PLCB4: variants seen among roughly 807,000 people sequenced by gnomAD.
PLCB4 encodes 1-phosphatidylinositol 4,5-bisphosphate phosphodiesterase beta-4.
Under a neutral mutation model 178.8 loss-of-function variants are expected in PLCB4, and 77 were observed. That is an observed-to-expected ratio of 0.43 (90% CI 0.36 to 0.52). PLCB4 has a LOEUF of 0.52. Among genes scored for constraint, PLCB4 ranks in the 20% least tolerant of loss-of-function variants. PLCB4 has a pLI of 0.00. For missense variants in PLCB4, 1,024 were observed against 1,453.4 expected, an observed-to-expected ratio of 0.70 and a Z score of 4.80; for synonymous variants, 496 against 490.8, an observed-to-expected ratio of 1.01 and a Z score of -0.14.
At chr20:9,117,558 G>C (rs2091823083) in intron 2 of PLCB4, among the ~76,000 whole-genome samples, 1 of 152,188 alleles carries the variant, frequency 6.6e-6, no homozygotes, top group Non-Finnish European at 1.5e-5. Flanking sequence ...ATAAGATTGT[G>C]TGATTCCCCT....
At chr20:9,410,649 A>G (rs1454918977) in intron 24 of PLCB4, among the ~76,000 whole-genome samples, 2 of 152,090 alleles carry the variant, frequency 1.3e-5, no homozygotes, top group East Asian at 1.9e-4. Context: ...AGTCTTTTAA[A>G]TCAAGTTTCA....
intron 2 of PLCB4, among the ~76,000 whole-genome samples, chr20:9,127,654 CTAT>C (rs2092153212): frequency 8.9e-6 from 1 of 112,728 alleles, no homozygotes; most frequent in East Asian, 2.6e-4. Context: ...ATCTATCTAT[CTAT>C]CTATCTATCT....
At chr20:9,427,598 G>A (rs3819579) in intron 28 of PLCB4, among the ~76,000 whole-genome samples, 74,900 of 152,032 alleles carry the variant, frequency 0.49, 20,636 homozygotes, top group African/African-American at 0.74. Flanking sequence ...CTTTATCTGT[G>A]GGTGCCAACG....
chr20:9,278,871 C>T (rs1030263786), intron 3 of PLCB4, among the ~76,000 whole-genome samples: 1 of 152,086 alleles, frequency 6.6e-6, no homozygotes, highest in African/African-American at 2.4e-5. Context: ...TTTCTCTTCA[C>T]TTGTTTAATA....
At chr20:9,275,781 G>T (rs556694783) in intron 3 of PLCB4, among the ~76,000 whole-genome samples, 1 of 152,016 alleles carries the variant, frequency 6.6e-6, no homozygotes, top group Admixed American at 6.6e-5. Context: ...TCCAAGTGAC[G>T]TGCCAACTCC....
intron 2 of PLCB4, among the ~76,000 whole-genome samples, chr20:9,192,815 A>C (rs1441978563): frequency 6.6e-6 from 1 of 151,992 alleles, no homozygotes; most frequent in Non-Finnish European, 1.5e-5. Flanking sequence ...AAAAAAGAAA[A>C]AAAAATGTCA....
chr20:9,294,998 C>A (rs2094617526), intron 3 of PLCB4, among the ~76,000 whole-genome samples: 1 of 152,110 alleles, frequency 6.6e-6, no homozygotes, highest in South Asian at 2.1e-4. Flanking sequence ...AAGAGGTCAA[C>A]CTAAGCCTCC....
chr20:9,152,376 C>T (rs6086795), intron 2 of PLCB4, among the ~76,000 whole-genome samples: 58,117 of 151,940 alleles, frequency 0.38, 12,423 homozygotes, highest in Middle Eastern at 0.49. Flanking sequence ...TTTCATGGGC[C>T]GGGCCCAGTG....
intron 2 of PLCB4, among the ~76,000 whole-genome samples, chr20:9,195,216 A>G (rs907224459): frequency 6.6e-6 from 1 of 152,144 alleles, no homozygotes; most frequent in Non-Finnish European, 1.5e-5. Flanking sequence ...GGCTTATCAC[A>G]CTTTAATGTG....
At chr20:9,446,079 T>C (rs1039279589) in intron 32 of PLCB4, among the ~76,000 whole-genome samples, 4 of 152,180 alleles carry the variant, frequency 2.6e-5, no homozygotes, top group Admixed American at 2.6e-4. Flanking sequence ...TCCTGCATGC[T>C]CAGTAATTCT....
intron 3 of PLCB4, among the ~76,000 whole-genome samples, chr20:9,288,050 T>C (rs1301307698): frequency 6.6e-6 from 1 of 152,054 alleles, no homozygotes; most frequent in Non-Finnish European, 1.5e-5. Flanking sequence ...TCACCTGAGG[T>C]TTCTTGGCCT....
rs1190792319 is a variant in PLCB4, at chr20:9,423,744, G to C, written c.2320-4G>C. ...AATCAGTGAAAGTCCTGTTCTGTTTGCAGGTGATCCTGCCGGACCTGGCTG... is the reference window on the plus strand; with the variant it reads ...AATCAGTGAAAGTCCTGTTCTGTTTCCAGGTGATCCTGCCGGACCTGGCTG... On this transcript the variant is annotated splice_polypyrimidine_tract_variant and splice_region_variant and intron_variant, in intron 27 of 39. Transcript: ENST00000378473. The C allele has an allele frequency of 5.6e-6, 9 of 1,612,202 alleles. No individual in the cohort carries two copies. Among genetic ancestry groups the C allele is most frequent in the Non-Finnish European group, 7.6e-6 (9 of 1,178,750 alleles).
At chr20:9,445,637 T>C (rs2042370229) in intron 32 of PLCB4, among the ~76,000 whole-genome samples, 1 of 152,336 alleles carries the variant, frequency 6.6e-6, no homozygotes, top group South Asian at 2.1e-4. Context: ...GATTTGCTGA[T>C]ACAGTCACTT....
At chr20:9,074,786 C>T (rs2089752402) in intron 1 of PLCB4, among the ~76,000 whole-genome samples, 1 of 106,588 alleles carries the variant, frequency 9.4e-6, no homozygotes, top group Non-Finnish European at 1.8e-5. Flanking sequence ...TGTCTCCCAG[C>T]TAGGCTTTTT....
In PLCB4 at chr20:9,366,644, C is replaced by T. The variant is rs977906176; in HGVS notation, c.503+1130C>T. Among the ~76,000 whole-genome samples, 3 of 152,280 alleles carry T rather than the reference C, an allele frequency of 2.0e-5. No homozygotes were observed. In the East Asian group the frequency reaches 5.8e-4, roughly 29 times the overall value. On this transcript the variant is annotated intron_variant, in intron 9 of 39. Coordinates refer to ENST00000378473, the MANE Select transcript of PLCB4 (RefSeq NM_001377142.1). ...GAATTCTTTACCAAACTCTTCAGTA[C>T]CTTTTTGGTTGGTGTTTGTTTTAAG... is the stretch of plus-strand genomic sequence containing the variant.
In PLCB4 at chr20:9,076,560, C is replaced by T. The variant is rs1406893143; in HGVS notation, c.-135+7354C>T. Among the ~76,000 whole-genome samples, 6 of 152,210 alleles carry T rather than the reference C, an allele frequency of 3.9e-5. No homozygotes were observed. In the East Asian group the frequency reaches 1.2e-3, roughly 29 times the overall value. On this transcript the variant is annotated intron_variant, in intron 1 of 39. Transcript: ENST00000378473. Reference sequence around the variant, plus strand: ...CACAGAGGTTCTCTTGCCTGCCTCACTGATTTGAACTCTAACCAGTCACAA... The same window carrying T: ...CACAGAGGTTCTCTTGCCTGCCTCATTGATTTGAACTCTAACCAGTCACAA...
At chr20:9,455,338 A>G (rs1310782147) in intron 33 of PLCB4, among the ~76,000 whole-genome samples, 1 of 152,238 alleles carries the variant, frequency 6.6e-6, no homozygotes, top group African/African-American at 2.4e-5. Context: ...AGGAGATTTC[A>G]GATCCAAGCA....
chr20:9,229,904 A>C (rs1294472767), intron 3 of PLCB4, among the ~76,000 whole-genome samples: 1 of 152,078 alleles, frequency 6.6e-6, no homozygotes, highest in Non-Finnish European at 1.5e-5. Context: ...AGGAATTATC[A>C]GAGTGATTAT....
At chr20:9,193,415 T>C (rs1349300684) in intron 2 of PLCB4, among the ~76,000 whole-genome samples, 2 of 152,208 alleles carry the variant, frequency 1.3e-5, no homozygotes, top group African/African-American at 4.8e-5. Flanking sequence ...CTCTGATCCA[T>C]CTGGTTGAGA....
Sources: allele counts gnomAD v4.1 joint callset (sites outside exome capture counted in the v4.1 genomes callset), GRCh38; gene constraint gnomAD v4.1.1; transcripts MANE v1.5; gene names NCBI Gene and HGNC (gene_info 2026-07-23, HGNC 2026-07-21).